Variants in CARMIL1 observed in about 807,000 individuals in gnomAD.
CARMIL1 encodes F-actin-uncapping protein LRRC16A.
A neutral mutation model predicts 177.1 loss-of-function variants in CARMIL1; 90 were observed. That is an observed-to-expected ratio of 0.51 (90% CI 0.43 to 0.61). The LOEUF (loss-of-function observed/expected upper bound fraction) is 0.61, where lower values mean the gene tolerates loss of function less well. Among genes scored for constraint, CARMIL1 ranks in the 20% least tolerant of loss-of-function variants. CARMIL1 has a pLI of 0.00. For synonymous variants in CARMIL1, 577 were observed against 606.2 expected (o/e 0.95, Z 0.71); for missense variants, 1,380 against 1,667.0 (o/e 0.83, Z 3.00).
intron 5 of CARMIL1, among the ~76,000 whole-genome samples, chr6:25,446,083 G>A (rs1017242636): frequency 1.3e-5 from 2 of 152,266 alleles, no homozygotes; most frequent in South Asian, 4.1e-4. Context: ...TTCTATTGTG[G>A]AGTGCAAGCA....
At chr6:25,459,979 G>A (rs1799992247) in intron 8 of CARMIL1, among the ~76,000 whole-genome samples, 1 of 152,224 alleles carries the variant, frequency 6.6e-6, no homozygotes, top group Non-Finnish European at 1.5e-5. Context: ...TACAATAAAT[G>A]TCATGGACTG....
intron 2 of CARMIL1, among the ~76,000 whole-genome samples, chr6:25,365,328 A>G (rs1187738257): frequency 2.0e-5 from 3 of 152,178 alleles, no homozygotes; most frequent in Non-Finnish European, 2.9e-5. Flanking sequence ...CTTGCAGCCC[A>G]TCTGAGTGCT....
chr6:25,301,888 TAGATC>T (rs200798821), intron 2 of CARMIL1, among the ~76,000 whole-genome samples: 4,249 of 152,254 alleles, frequency 0.028, 71 homozygotes, highest in Non-Finnish European at 0.038. Flanking sequence ...TTCATTTCCT[TAGATC>T]AGACCAAATA....
intron 5 of CARMIL1, among the ~76,000 whole-genome samples, chr6:25,439,792 G>A (rs1445040745): frequency 6.6e-6 from 1 of 152,154 alleles, no homozygotes; most frequent in Non-Finnish European, 1.5e-5. Flanking sequence ...CAAATTGGAT[G>A]TAGCTAGCGC....
At chr6:25,607,801 G>A (rs1250339622) in intron 35 of CARMIL1, among the ~76,000 whole-genome samples, 1 of 152,082 alleles carries the variant, frequency 6.6e-6, no homozygotes, top group Non-Finnish European at 1.5e-5. Flanking sequence ...TAGCCCATTG[G>A]TCCCTTGAGA....
intron 2 of CARMIL1, among the ~76,000 whole-genome samples, chr6:25,419,300 C>T (rs1036465859): frequency 1.3e-5 from 2 of 152,166 alleles, no homozygotes; most frequent in East Asian, 3.8e-4. Context: ...GGGCAATTCT[C>T]CCATCAGGAC....
chr6:25,463,819 CTTTT>C (rs68160209), intron 8 of CARMIL1, among the ~76,000 whole-genome samples: 2 of 108,512 alleles, frequency 1.8e-5, no homozygotes, highest in Admixed American at 2.1e-4. Context: ...AGTTGTTCTC[CTTTT>C]TTTTTTTTTT....
In CARMIL1 at chr6:25,556,764, G is replaced by A. The variant is rs760533398; in HGVS notation, c.2656G>A (p.Ala886Thr). The A allele has an allele frequency of 3.1e-6, 5 of 1,613,650 alleles. No individual in the cohort carries two copies. The highest frequency in any genetic ancestry group is 2.2e-5 in the South Asian group (2 of 91,074). Reference protein sequence around the residue: ...PQQESLEIELAEEKPVKRSII... With the variant: ...PQQESLEIELTEEKPVKRSII... ...ACAAGAATCCTTAGAGATCGAGCTGGCTGAGGAGAAGCCAGTTAAACGTTC... is the reference window on the plus strand; with the variant it reads ...ACAAGAATCCTTAGAGATCGAGCTGACTGAGGAGAAGCCAGTTAAACGTTC... Residue 886 changes from alanine (A) to threonine (T), a missense_variant, in exon 29 of 37, where the codon GCT (alanine) becomes ACT (threonine). Physicochemically the swap from Ala to Thr is moderately conservative, Grantham distance 58 (BLOSUM62 0). Transcript: ENST00000329474.
Position 25,488,468 on chromosome 6 carries a change from T to C in CARMIL1, c.962-14T>C. 1 of 1,606,520 alleles carries C rather than the reference T, an allele frequency of 6.2e-7. No individual in the cohort carries two copies. Among genetic ancestry groups the C allele is most frequent in the Non-Finnish European group, 8.5e-7 (1 of 1,173,070 alleles). ...TGGAGTGCAAACTGAGCCTGGATTTTCTTGATGTTGCAGGGGTGAACAGCC... is the reference window on the plus strand; with the variant it reads ...TGGAGTGCAAACTGAGCCTGGATTTCCTTGATGTTGCAGGGGTGAACAGCC... On this transcript the variant is annotated splice_polypyrimidine_tract_variant and intron_variant, in intron 12 of 36. Transcript: ENST00000329474.
At chr6:25,471,483 G>A (rs1343297250) in intron 10 of CARMIL1, among the ~76,000 whole-genome samples, 1 of 152,102 alleles carries the variant, frequency 6.6e-6, no homozygotes. Context: ...AGAGTACATA[G>A]TATAGTTTTT....
At chr6:25,513,790 A>T (rs1009819987) in intron 20 of CARMIL1, among the ~76,000 whole-genome samples, 1 of 152,160 alleles carries the variant, frequency 6.6e-6, no homozygotes, top group African/African-American at 2.4e-5. Context: ...TTGGTCATAG[A>T]TTACCCCAGA....
intron 32 of CARMIL1, among the ~76,000 whole-genome samples, chr6:25,596,279 T>C (rs1814841865): frequency 6.6e-6 from 1 of 152,222 alleles, no homozygotes; most frequent in South Asian, 2.1e-4. Context: ...AATAATATGA[T>C]GGAATCTACT....
chr6:25,554,039 G>A lies in CARMIL1; in HGVS notation c.2535G>A (p.Leu845=). ...TAAAATTGACAGTGGCCTCGTTCCT[G>A]TCTGATAGAATTGTGGATGAAATCC... The part of the protein sequence containing the change: ...SEVKLTVASF[L]SDRIVDEILD... The change falls in exon 28 of 37, where the codon CTG becomes CTA. Residue 845 remains leucine (L), a synonymous_variant. Coordinates refer to ENST00000329474, the MANE Select transcript of CARMIL1 (RefSeq NM_017640.6). The surrounding 1 kb of genome is among the most constrained non-coding windows in gnomAD (Gnocchi z 4.6). 3 of 1,602,330 alleles carry A rather than the reference G, an allele frequency of 1.9e-6. No individual in the cohort carries two copies. Among genetic ancestry groups the A allele is most frequent in the South Asian group, 2.3e-5 (2 of 88,338 alleles).
intron 2 of CARMIL1, among the ~76,000 whole-genome samples, chr6:25,351,708 A>G (rs1350481776): frequency 6.6e-6 from 1 of 152,200 alleles, no homozygotes; most frequent in Non-Finnish European, 1.5e-5. Flanking sequence ...CAGCCCAGCT[A>G]CTTGACCTTG....
chr6:25,538,320 A>G (rs1220177308), intron 25 of CARMIL1, among the ~76,000 whole-genome samples: 4 of 152,196 alleles, frequency 2.6e-5, no homozygotes, highest in Non-Finnish European at 5.9e-5. Flanking sequence ...TGTTACCCCT[A>G]AAAGGAAGCT....
intron 8 of CARMIL1, among the ~76,000 whole-genome samples, chr6:25,459,271 T>TCTTTC (rs1799899017): frequency 7.1e-6 from 1 of 140,328 alleles, no homozygotes; most frequent in Non-Finnish European, 1.6e-5. Flanking sequence ...TCTTTCTTTT[T>TCTTTC]TTTTTTTTTA....
chr6:25,505,754 T>C (rs1211841448), intron 17 of CARMIL1, among the ~76,000 whole-genome samples: 1 of 152,104 alleles, frequency 6.6e-6, no homozygotes, highest in African/African-American at 2.4e-5. Context: ...TGCCTGGCCA[T>C]GTGCATTCTT....
rs151333725 is a variant in CARMIL1 at position 25,488,615 on chromosome 6, G to T, written c.1065+30G>T. 5.3e-6 allele frequency: 8 copies of T among 1,522,888 alleles called. No individual in the cohort carries two copies. The African/African-American group carries it at 1.1e-4, about 21-fold the overall frequency. 94.3% of individuals were successfully genotyped at this position (1,522,888 alleles called of 1,614,324 possible). On this transcript the variant is annotated intron_variant, in intron 13 of 36. Transcript: ENST00000329474. ...GTTTTCTTTTCTTTATTCCATCTTC[G>T]AAGAAGCTGTGTTTAATAAGCCTGG...
At chr6:25,488,649 T>A in intron 13 of CARMIL1, 64 bp downstream of exon 13, 1 of 1,290,924 alleles carries the variant, frequency 7.7e-7, no homozygotes, top group Non-Finnish European at 1.1e-6. Flanking sequence ...GGAATAATTC[T>A]AAACATGTCT....
Sources: gnomAD v4.1 joint callset for allele counts (sites outside exome capture counted in the v4.1 genomes callset) on GRCh38, gnomAD v4.1.1 for gene constraint, Gnocchi (gnomAD v3.1) non-coding constraint, MANE v1.5 for transcripts, NCBI Gene and HGNC (gene_info 2026-07-23, HGNC 2026-07-21) for gene names.